Variants in KIF6 observed in about 807,000 individuals in gnomAD.
KIF6 encodes kinesin-like protein KIF6.
KIF6 carries 106 observed loss-of-function variants against 112.7 expected under a neutral mutation model. The ratio of observed to expected loss-of-function variants is 0.94; its 90% CI spans 0.80 to 1.11. The LOEUF is 1.11. KIF6 is among the 50% of genes least tolerant of loss of function. The pLI is 0.00. For missense variants in KIF6, 929 were observed against 964.0 expected, an observed-to-expected ratio of 0.96 and a Z score of 0.48; for synonymous variants, 339 against 339.9, an observed-to-expected ratio of 1.00 and a Z score of 0.03.
intron 3 of KIF6, among the ~76,000 whole-genome samples, chr6:39,674,706 A>G (rs747147932): frequency 6.6e-6 from 1 of 151,754 alleles, no homozygotes; most frequent in Non-Finnish European, 1.5e-5. Context: ...GGCTATGTAC[A>G]TGAATGGCTC....
At position 39,687,916 on chromosome 6, in the gene KIF6, T is replaced by C. The variant is rs989339318; in HGVS notation, c.251+26776A>G. Reference sequence around the variant, plus strand: ...AACAAGGACCCCAATAGGAAATAGATGGCATACTCCATTCATAGAGGGTCT... The same window carrying C: ...AACAAGGACCCCAATAGGAAATAGACGGCATACTCCATTCATAGAGGGTCT... On this transcript the variant is annotated intron_variant, in intron 3 of 22. Coordinates refer to ENST00000287152, the MANE Select transcript of KIF6 (RefSeq NM_145027.6). 9.8e-5 allele frequency among the ~76,000 whole-genome samples: 15 copies of C among 152,328 alleles called. No homozygotes were observed. The East Asian group carries it at 2.5e-3, about 25-fold the overall frequency.
chr6:39,546,874 A>G (rs926377118), intron 10 of KIF6, among the ~76,000 whole-genome samples: 4 of 151,644 alleles, frequency 2.6e-5, no homozygotes, highest in Admixed American at 6.6e-5. Context: ...ACCACGTGCC[A>G]ATGTAGCATT....
At position 39,468,372 on chromosome 6, in the gene KIF6, G is replaced by C. The variant is rs1353403720; in HGVS notation, c.1646-37211C>G. Among the ~76,000 whole-genome samples the C allele has an allele frequency of 5.3e-5, 8 of 152,192 alleles. No homozygotes were observed. In the South Asian group the frequency reaches 1.2e-3, roughly 24 times the overall value. On this transcript the variant is annotated intron_variant, in intron 13 of 22. Coordinates refer to ENST00000287152, the MANE Select transcript of KIF6 (RefSeq NM_145027.6). ...AAAATATTAGGTTATAGATCCAAGAGTCTTAATAAATTCTAAGTAGGATCA... is the reference window on the plus strand; with the variant it reads ...AAAATATTAGGTTATAGATCCAAGACTCTTAATAAATTCTAAGTAGGATCA...
intron 13 of KIF6, among the ~76,000 whole-genome samples, chr6:39,461,709 A>G (rs1266153208): frequency 6.6e-6 from 1 of 152,182 alleles, no homozygotes; most frequent in Non-Finnish European, 1.5e-5. Flanking sequence ...TTTACAGTAG[A>G]AAAATTTGAT....
At chr6:39,369,212 C>T (rs1358962328) in intron 16 of KIF6, among the ~76,000 whole-genome samples, 1 of 152,182 alleles carries the variant, frequency 6.6e-6, no homozygotes, top group Admixed American at 6.5e-5. Context: ...AATTTACTGT[C>T]AGCTGGAGCC....
chr6:39,474,323 A>C (rs1438275669), intron 13 of KIF6, among the ~76,000 whole-genome samples: 1 of 152,192 alleles, frequency 6.6e-6, no homozygotes, highest in Non-Finnish European at 1.5e-5. Flanking sequence ...CCCCACTCAC[A>C]TTATTTTCCT....
At chr6:39,534,493 A>G (rs1350442756) in intron 13 of KIF6, among the ~76,000 whole-genome samples, 1 of 152,184 alleles carries the variant, frequency 6.6e-6, no homozygotes, top group African/African-American at 2.4e-5. Flanking sequence ...GAAATGAAGC[A>G]AGAAGGGAAG....
intron 19 of KIF6, among the ~76,000 whole-genome samples, chr6:39,349,629 C>CTTTTTTTTTTTT: frequency 1.0e-5 from 1 of 98,144 alleles, no homozygotes; most frequent in East Asian, 4.6e-4. Flanking sequence ...TAATTTGTGG[C>CTTTTTTTTTTTT]TCTTTTTTTT....
chr6:39,670,549 G>A (rs1446558193), intron 3 of KIF6, among the ~76,000 whole-genome samples: 1 of 152,176 alleles, frequency 6.6e-6, no homozygotes, highest in Non-Finnish European at 1.5e-5. Context: ...TCTTCACATT[G>A]AGTAGGGTGA....
intron 14 of KIF6, among the ~76,000 whole-genome samples, chr6:39,424,021 G>A (rs1047554209): frequency 1.3e-5 from 2 of 151,972 alleles, no homozygotes; most frequent in African/African-American, 2.4e-5. Flanking sequence ...CAGTGACCTC[G>A]GGAGAAAGTC....
chr6:39,714,704 G>A lies in KIF6; in HGVS notation c.239C>T (p.Pro80Leu), dbSNP rs1033977390. Residue 80 changes from proline (P) to leucine (L), a missense_variant, in exon 3 of 23, where the codon CCA (proline) becomes CTA (leucine). Coordinates refer to ENST00000287152, the MANE Select transcript of KIF6 (RefSeq NM_145027.6). ...QETVFENIAK[P>L]VAGSVLAGYN... ...TGGGAAATCCTACCTCCCAGCAACT[G>A]GTTTGGCAATGTTTTCAAAAACGGT... 4.3e-6 allele frequency: 7 copies of A among 1,613,224 alleles called. No homozygotes were observed. The African/African-American group carries it at 9.3e-5, about 22-fold the overall frequency.
intron 3 of KIF6, among the ~76,000 whole-genome samples, chr6:39,678,028 G>T (rs1470353047): frequency 2.2e-4 from 34 of 152,052 alleles, no homozygotes; most frequent in African/African-American, 7.2e-4. Flanking sequence ...CATGATTTAT[G>T]CAGCCAAAAA....
At chr6:39,549,802 A>C (rs1779270631) in intron 10 of KIF6, among the ~76,000 whole-genome samples, 1 of 152,244 alleles carries the variant, frequency 6.6e-6, no homozygotes, top group Admixed American at 6.5e-5. Context: ...GTACATAGTT[A>C]AGCAGCAATT....
At position 39,482,962 on chromosome 6, in the gene KIF6, C is replaced by A. The variant is rs544120513; in HGVS notation, c.1646-51801G>T. Among the ~76,000 whole-genome samples, 25 of 152,340 alleles carry A rather than the reference C, an allele frequency of 1.6e-4. No individual in the cohort carries two copies. The South Asian group carries it at 5.0e-3, about 30-fold the overall frequency. ...GACCAACCTAGAACCAGAGCCCAGG[C>A]TTCTTCTCTCCCGATCCAGGCTTCC... On this transcript the variant is annotated intron_variant, in intron 13 of 22. Transcript: ENST00000287152.
At chr6:39,340,513 G>A (rs1763269050) in intron 22 of KIF6, among the ~76,000 whole-genome samples, 1 of 152,138 alleles carries the variant, frequency 6.6e-6, no homozygotes, top group African/African-American at 2.4e-5. Context: ...TGTAACCTTG[G>A]GCAAGTGATA....
At chr6:39,623,147 C>A (rs1414745015) in intron 5 of KIF6, among the ~76,000 whole-genome samples, 2 of 152,136 alleles carry the variant, frequency 1.3e-5, no homozygotes, top group Non-Finnish European at 2.9e-5. Context: ...AATCTGTTTG[C>A]TTTTCTTCAT....
intron 13 of KIF6, among the ~76,000 whole-genome samples, chr6:39,458,179 A>G (rs955528726): frequency 2.0e-5 from 3 of 147,924 alleles, no homozygotes; most frequent in South Asian, 2.2e-4. Context: ...CACCATGATC[A>G]AGTGGGCTTC....
In KIF6 at chr6:39,414,351, T is replaced by C. The variant is rs183145238; in HGVS notation, c.1810+5597A>G. ...ATCAGTAAACCCACTCAGTTGGAATTGTATACAGCCTGAGAATACAACCCT... is the reference window on the plus strand; with the variant it reads ...ATCAGTAAACCCACTCAGTTGGAATCGTATACAGCCTGAGAATACAACCCT... On this transcript the variant is annotated intron_variant, in intron 15 of 22. Coordinates refer to ENST00000287152, the MANE Select transcript of KIF6 (RefSeq NM_145027.6). 2.0e-5 allele frequency among the ~76,000 whole-genome samples: 3 copies of C among 152,328 alleles called. No individual in the cohort carries two copies. In the East Asian group the frequency reaches 5.8e-4, roughly 29 times the overall value.
At chr6:39,487,022 T>C (rs1051552357) in intron 13 of KIF6, among the ~76,000 whole-genome samples, 21 of 152,186 alleles carry the variant, frequency 1.4e-4, no homozygotes, top group Non-Finnish European at 5.9e-5. Flanking sequence ...AACAACCAAA[T>C]GTTGTTAACA....
Sources: allele counts gnomAD v4.1 joint callset (sites outside exome capture counted in the v4.1 genomes callset), GRCh38; gene constraint gnomAD v4.1.1; transcripts MANE v1.5; gene names NCBI Gene and HGNC (gene_info 2026-07-23, HGNC 2026-07-21).